ZNF469: variants seen among roughly 807,000 people sequenced by gnomAD.
ZNF469 encodes zinc finger protein 469.
A neutral mutation model predicts 1.0 loss-of-function variants in ZNF469; 1 was observed. The observed-to-expected ratio is 1.00, with a 90% confidence interval of 0.35 to 4.73. The LOEUF (loss-of-function observed/expected upper bound fraction) is 4.73, where lower values mean the gene tolerates loss of function less well. Ranked by LOEUF, ZNF469 falls within the 30% of genes most tolerant of loss-of-function variation. The pLI, the probability that ZNF469 is intolerant of heterozygous loss-of-function variation, is 0.16. For missense variants in ZNF469, 6,100 were observed against 5,356.3 expected (o/e 1.14, Z -4.33); for synonymous variants, 2,703 against 2,363.4 (o/e 1.14, Z -4.17).
At chr16:88,238,404 G>C in the ZNF469 span, among the ~76,000 whole-genome samples, 95,790 of 149,934 alleles carry the variant, frequency 0.64, 31,992 homozygotes, top group African/African-American at 0.86. Context: ...GTGGGACGCA[G>C]AGACCCTAGA....
At chr16:88,364,525 AT>A in the ZNF469 span, among the ~76,000 whole-genome samples, 4 of 139,246 alleles carry the variant, frequency 2.9e-5, no homozygotes, top group African/African-American at 1.1e-4. Context: ...AGCTGCTGGG[AT>A]TTAGACTGAA....
At chr16:88,136,049 G>A in the ZNF469 span, among the ~76,000 whole-genome samples, 195 of 152,112 alleles carry the variant, frequency 1.3e-3, 1 homozygote, top group African/African-American at 3.9e-3. Context: ...GTGAGCCACC[G>A]CGCCCGGCCA....
At chr16:88,372,820 C>T in the ZNF469 span, among the ~76,000 whole-genome samples, 1 of 145,990 alleles carries the variant, frequency 6.8e-6, no homozygotes, top group Non-Finnish European at 1.6e-5. Context: ...CCACCATCAT[C>T]ATGATCTTTA....
chr16:88,102,805 C>G, the ZNF469 span, among the ~76,000 whole-genome samples: 2 of 152,222 alleles, frequency 1.3e-5, no homozygotes, highest in African/African-American at 4.8e-5. Context: ...ACCGCAGGGC[C>G]CCTGATCGCC....
chr16:88,355,416 C>T, the ZNF469 span, among the ~76,000 whole-genome samples: 19 of 152,242 alleles, frequency 1.2e-4, no homozygotes, highest in South Asian at 8.3e-4. Flanking sequence ...ATGGCGCTCA[C>T]GGACGAATCA....
intron 1 of ZNF469, among the ~76,000 whole-genome samples, chr16:88,402,562 C>G (rs1267877372): frequency 2.6e-5 from 4 of 152,140 alleles, no homozygotes; most frequent in African/African-American, 9.7e-5. Context: ...CAGTTTCCCT[C>G]TGTGAGTAGA....
the ZNF469 span, among the ~76,000 whole-genome samples, chr16:88,356,315 G>A: frequency 1.2e-4 from 18 of 152,176 alleles, no homozygotes; most frequent in African/African-American, 4.3e-4. Context: ...CCAGCTGTGA[G>A]CCGCCTGGTT....
chr16:88,380,832 GCACT>G (rs1243497880), upstream of ZNF469, among the ~76,000 whole-genome samples: 1 of 101,078 alleles, frequency 9.9e-6, no homozygotes, highest in Non-Finnish European at 2.0e-5. Context: ...ACACACACAC[GCACT>G]CACACAGACA....
At chr16:88,352,108 C>A in the ZNF469 span, among the ~76,000 whole-genome samples, 2 of 151,990 alleles carry the variant, frequency 1.3e-5, no homozygotes, top group African/African-American at 4.8e-5. Flanking sequence ...TCCATGGGTG[C>A]GAGGGGCTGG....
chr16:88,431,833 C>G lies in ZNF469; in HGVS notation c.4363C>G (p.Leu1455Val), dbSNP rs116532825. Residue 1455 changes from leucine to valine, a missense_variant, in exon 3 of 3, where the codon CTC becomes GTC. By Grantham distance (32) the Leu-to-Val change is conservative (BLOSUM62 1). Coordinates refer to ENST00000565624, the MANE Select transcript of ZNF469 (RefSeq NM_001367624.2). ...ASPPTLESSS[L>V]FPDLPVDRFD... is the part of the protein sequence containing the mutation. ...GCCACCGACCTTGGAGTCCTCATCC[C>G]TCTTCCCAGACCTGCCGGTGGACAG... 1.6e-3 allele frequency: 2,406 copies of G among 1,549,822 alleles called. 37 individuals carry two copies. The African/African-American group carries it at 0.028, about 18-fold the overall frequency.
intron 1 of ZNF469, among the ~76,000 whole-genome samples, chr16:88,410,748 T>G (rs1407906925): frequency 2.6e-5 from 4 of 152,056 alleles, no homozygotes; most frequent in East Asian, 1.9e-4. Context: ...GTCACACAGT[T>G]CACAGTAACG....
chr16:88,157,802 A>G, the ZNF469 span, among the ~76,000 whole-genome samples: 1 of 151,690 alleles, frequency 6.6e-6, no homozygotes, highest in Non-Finnish European at 1.5e-5. Context: ...TGTCATTGTT[A>G]TATGACCGTG....
At chr16:88,361,084 A>T in the ZNF469 span, among the ~76,000 whole-genome samples, 2 of 152,146 alleles carry the variant, frequency 1.3e-5, no homozygotes, top group Non-Finnish European at 2.9e-5. Flanking sequence ...GGTCCTATCT[A>T]GTGGTTATGG....
chr16:88,333,992 GTGTC>G, the ZNF469 span, among the ~76,000 whole-genome samples: 853 of 151,244 alleles, frequency 5.6e-3, 7 homozygotes, highest in African/African-American at 0.019. Flanking sequence ...GTATCTGTGT[GTGTC>G]TGTGTCTATG....
chr16:88,419,540 G>T (rs1479209863), intron 1 of ZNF469, among the ~76,000 whole-genome samples: 1 of 152,140 alleles, frequency 6.6e-6, no homozygotes, highest in Non-Finnish European at 1.5e-5. Flanking sequence ...GCCCTTGTGT[G>T]GTGTCCAGGG....
the ZNF469 span, among the ~76,000 whole-genome samples, chr16:88,112,480 C>T: frequency 1.3e-5 from 2 of 152,274 alleles, no homozygotes; most frequent in East Asian, 1.9e-4. Flanking sequence ...GCCATTTTAA[C>T]CGGGGTGAGG....
chr16:88,188,272 C>T, the ZNF469 span, among the ~76,000 whole-genome samples: 1 of 152,096 alleles, frequency 6.6e-6, no homozygotes, highest in East Asian at 1.9e-4. Context: ...GCTGCTCCCT[C>T]CCCGACTGAG....
the ZNF469 span, among the ~76,000 whole-genome samples, chr16:88,193,132 ATGGTGG>A: frequency 6.9e-5 from 1 of 14,544 alleles, no homozygotes. Flanking sequence ...GGTGGTGGTG[ATGGTGG>A]TGATGGTGGT....
chr16:88,247,162 G>A, the ZNF469 span, among the ~76,000 whole-genome samples: 6 of 150,790 alleles, frequency 4.0e-5, no homozygotes, highest in South Asian at 2.1e-4. Context: ...TGAGTGAATC[G>A]TGAATGACTG....
Sources: gnomAD v4.1 joint callset for allele counts (sites outside exome capture counted in the v4.1 genomes callset) on GRCh38, gnomAD v4.1.1 for gene constraint, MANE v1.5 for transcripts, NCBI Gene and HGNC (gene_info 2026-07-23, HGNC 2026-07-21) for gene names.